Variants in CNTNAP5 observed in about 807,000 individuals in gnomAD.
The protein encoded by CNTNAP5 is contactin associated protein family member 5.
CNTNAP5 carries 72 observed loss-of-function variants against 150.2 expected under a neutral mutation model. The observed-to-expected ratio is 0.48, with a 90% CI of 0.40 to 0.58. CNTNAP5 has a LOEUF of 0.58. Ranked by LOEUF, CNTNAP5 falls within the 20% of genes least tolerant of loss-of-function variation. The probability of loss-of-function intolerance (pLI) is 0.00; values close to 1 mark genes in which losing one functional copy is unlikely to be tolerated. For missense variants in CNTNAP5, 1,636 were observed against 1,626.2 expected (o/e 1.01, Z -0.10); for synonymous variants, 672 against 619.8 (o/e 1.08, Z -1.25).
intron 19 of CNTNAP5, 93 bp downstream of exon 19, chr2:124,798,413 G>C (rs1208903760): frequency 5.5e-6 from 5 of 902,180 alleles, no homozygotes; most frequent in Non-Finnish European, 8.8e-6. Flanking sequence ...TCAACCTCAA[G>C]TTGGTCCCAT....
chr2:124,521,356 C>T (rs113231246), intron 8 of CNTNAP5, among the ~76,000 whole-genome samples: 7,597 of 151,992 alleles, frequency 0.05, 236 homozygotes, highest in South Asian at 0.13. Flanking sequence ...TAGGAAAAGA[C>T]CAAATTAAAG....
intron 3 of CNTNAP5, among the ~76,000 whole-genome samples, chr2:124,312,716 G>A (rs566168211): frequency 2.2e-3 from 342 of 152,292 alleles, no homozygotes; most frequent in Non-Finnish European, 4.0e-3. Context: ...GACTACAGGC[G>A]CTCGCCACAG....
intron 1 of CNTNAP5, among the ~76,000 whole-genome samples, chr2:124,067,499 T>A (rs1682190490): frequency 6.6e-6 from 1 of 152,198 alleles, no homozygotes; most frequent in Non-Finnish European, 1.5e-5. Context: ...ATAAGTGTAA[T>A]TGCCTTTAGA....
chr2:124,496,463 GC>G, intron 7 of CNTNAP5, among the ~76,000 whole-genome samples: 1 of 152,294 alleles, frequency 6.6e-6, no homozygotes, highest in African/African-American at 2.4e-5. Context: ...CATGACTGAA[GC>G]TCAGCTTTGC....
At chr2:124,286,849 A>T (rs1029553904) in intron 3 of CNTNAP5, among the ~76,000 whole-genome samples, 4 of 152,196 alleles carry the variant, frequency 2.6e-5, no homozygotes, top group East Asian at 3.9e-4. Flanking sequence ...GGAAAGTTCC[A>T]TCTCAACTAA....
At chr2:124,197,968 C>T (rs1308519004) in intron 1 of CNTNAP5, among the ~76,000 whole-genome samples, 1 of 142,998 alleles carries the variant, frequency 7.0e-6, no homozygotes, top group Non-Finnish European at 1.5e-5. Context: ...GTGACAGAGA[C>T]TCTGTCTCAA....
At chr2:124,873,906 C>T (rs1405822070) in intron 21 of CNTNAP5, among the ~76,000 whole-genome samples, 3 of 151,992 alleles carry the variant, frequency 2.0e-5, no homozygotes, top group Non-Finnish European at 4.4e-5. Context: ...AAAGCAAAAG[C>T]AAGTTTGTTC....
At chr2:124,853,146 C>A (rs553793965) in intron 19 of CNTNAP5, among the ~76,000 whole-genome samples, 1 of 152,158 alleles carries the variant, frequency 6.6e-6, no homozygotes, top group Admixed American at 6.6e-5. Flanking sequence ...AGAATGAGAG[C>A]GAACTCTTAT....
intron 2 of CNTNAP5, among the ~76,000 whole-genome samples, chr2:124,227,783 C>A (rs778867979): frequency 2.7e-5 from 4 of 149,210 alleles, no homozygotes; most frequent in South Asian, 2.1e-4. Flanking sequence ...TGGGGGGAGG[C>A]GGAAGAAAAT....
intron 19 of CNTNAP5, among the ~76,000 whole-genome samples, chr2:124,813,128 G>A (rs1358826440): frequency 5.3e-5 from 8 of 151,952 alleles, no homozygotes; most frequent in Admixed American, 5.2e-4. Context: ...CCAGGCTGGA[G>A]TGCAGTGGTG....
intron 1 of CNTNAP5, among the ~76,000 whole-genome samples, chr2:124,193,354 G>C (rs1019910008): frequency 2.0e-5 from 3 of 152,180 alleles, no homozygotes; most frequent in South Asian, 2.1e-4. Context: ...TATGTCCACT[G>C]TTTATTGTCT....
intron 13 of CNTNAP5, among the ~76,000 whole-genome samples, chr2:124,656,058 C>G (rs1678450468): frequency 9.6e-6 from 1 of 104,038 alleles, no homozygotes; most frequent in African/African-American, 3.3e-5. Context: ...AAGACTTTAT[C>G]TCAAAAAAAA....
intron 12 of CNTNAP5, among the ~76,000 whole-genome samples, chr2:124,643,929 G>A (rs1678148332): frequency 6.6e-6 from 1 of 152,298 alleles, no homozygotes; most frequent in South Asian, 2.1e-4. Context: ...AAGAAAACTG[G>A]GCATTGAAGA....
chr2:124,409,831 C>A (rs7605359), intron 3 of CNTNAP5, among the ~76,000 whole-genome samples: 148,690 of 152,032 alleles, frequency 0.98, 72,798 homozygotes, highest in East Asian at 1. Flanking sequence ...AACGAGCAAA[C>A]TCACCAGCTA....
At chr2:124,731,757 T>A (rs563488108) in intron 13 of CNTNAP5, among the ~76,000 whole-genome samples, 9 of 151,932 alleles carry the variant, frequency 5.9e-5, no homozygotes, top group Admixed American at 5.2e-4. Flanking sequence ...TATGTGTATA[T>A]GAGTGTGTGT....
intron 1 of CNTNAP5, among the ~76,000 whole-genome samples, chr2:124,205,705 C>T (rs1019522725): frequency 5.3e-5 from 8 of 152,256 alleles, no homozygotes; most frequent in African/African-American, 1.9e-4. Flanking sequence ...CCCGGCCAAA[C>T]CTTTTTTCTT....
intron 6 of CNTNAP5, among the ~76,000 whole-genome samples, chr2:124,458,702 C>T (rs1385854423): frequency 6.6e-6 from 1 of 151,838 alleles, no homozygotes; most frequent in Non-Finnish European, 1.5e-5. Flanking sequence ...TAATGCTAAA[C>T]AATCATACTT....
At chr2:124,641,798 C>T (rs72845026) in intron 12 of CNTNAP5, among the ~76,000 whole-genome samples, 3,229 of 152,264 alleles carry the variant, frequency 0.021, 43 homozygotes, top group Middle Eastern at 0.037. Flanking sequence ...TCCTTCCAAG[C>T]ACATTGATAT....
At chr2:124,848,707 G>T (rs1336767544) in intron 19 of CNTNAP5, among the ~76,000 whole-genome samples, 1 of 152,124 alleles carries the variant, frequency 6.6e-6, no homozygotes, top group Non-Finnish European at 1.5e-5. Context: ...CAGGTGTGAG[G>T]TGATATCTTA....
Sources: gnomAD v4.1 joint callset for allele counts (sites outside exome capture counted in the v4.1 genomes callset) on GRCh38, gnomAD v4.1.1 for gene constraint, MANE v1.5 for transcripts, NCBI Gene and HGNC (gene_info 2026-07-23, HGNC 2026-07-21) for gene names.